The following C3orf85 variants were observed in gnomAD, a reference collection of about 807,000 sequenced individuals.
C3orf85 encodes uncharacterized protein C3orf85.
A neutral mutation model predicts 1.7 loss-of-function variants in C3orf85; 1 was observed. The ratio of observed to expected loss-of-function variants is 0.60; its 90% CI spans 0.21 to 2.86. C3orf85 has a LOEUF of 2.86. Ranked by LOEUF, C3orf85 falls within the 30% of genes most tolerant of loss-of-function variation. The probability of loss-of-function intolerance (pLI) is 0.22; values close to 1 mark genes in which losing one functional copy is unlikely to be tolerated. For missense variants in C3orf85, 29 were observed against 21.3 expected (o/e 1.36, Z -0.72); for synonymous variants, 17 against 8.0 (o/e 2.13, Z -1.90).
chr3:109,142,752 C>T (rs1367031765), intron 2 of C3orf85, among the ~76,000 whole-genome samples: 4 of 150,804 alleles, frequency 2.7e-5, no homozygotes, highest in Non-Finnish European at 5.9e-5. Flanking sequence ...GAGCAACAGA[C>T]TATTGGGTTC....
At chr3:109,140,428 G>C (rs973450844) in intron 2 of C3orf85, among the ~76,000 whole-genome samples, 3 of 152,166 alleles carry the variant, frequency 2.0e-5, no homozygotes, top group African/African-American at 7.2e-5. Flanking sequence ...CGCTGCAAAC[G>C]GCCTGAGCTT....
chr3:109,141,840 G>T (rs1706746096), intron 2 of C3orf85, among the ~76,000 whole-genome samples: 1 of 152,068 alleles, frequency 6.6e-6, no homozygotes, highest in African/African-American at 2.4e-5. Flanking sequence ...GACCAGCCTG[G>T]CCAGAATGGC....
chr3:109,137,653 A>G (rs929725756), intron 2 of C3orf85, among the ~76,000 whole-genome samples: 16 of 142,836 alleles, frequency 1.1e-4, no homozygotes, highest in Admixed American at 5.0e-4. Flanking sequence ...ATATATATAT[A>G]TATATATATA....
chr3:109,149,887 C>A lies in C3orf85; in HGVS notation c.266C>A (p.Ala89Asp), dbSNP rs1380974586. ...MNTFTFDMST[A>D]Q ...ACCTTCACCTTTGACATGTCTACTG[C>A]CCAGTAAATATGTTTTCCTGGTTAA... is the stretch of plus-strand genomic sequence containing the variant. The change falls in exon 4 of 4, where the codon GCC becomes GAC. Residue 89 changes from alanine to aspartate, a missense_variant. Ala to Asp is a moderately radical substitution (Grantham distance 126, BLOSUM62 -2). Transcript: ENST00000622536. The A allele has an allele frequency of 2.5e-6, 1 of 398,228 alleles. No individual in the cohort carries two copies. The highest frequency in any genetic ancestry group is 4.4e-6 in the Non-Finnish European group (1 of 225,586). 24.7% of individuals were successfully genotyped at this position (398,228 alleles called of 1,614,324 possible). A position where few individuals can be genotyped will look rare whatever the true frequency, so the allele number is the denominator to read the frequency against.
chr3:109,147,317 A>T (rs1453326449), intron 2 of C3orf85, among the ~76,000 whole-genome samples: 1 of 152,230 alleles, frequency 6.6e-6, no homozygotes, highest in Admixed American at 6.5e-5. Flanking sequence ...GGGAATTTTT[A>T]TACCGTATAG....
At chr3:109,144,655 A>C (rs1229556951) in intron 2 of C3orf85, among the ~76,000 whole-genome samples, 1 of 152,234 alleles carries the variant, frequency 6.6e-6, no homozygotes, top group Non-Finnish European at 1.5e-5. Flanking sequence ...GATTTATGCA[A>C]TAGCATTTTT....
intron 2 of C3orf85, among the ~76,000 whole-genome samples, chr3:109,147,474 A>G (rs1706812926): frequency 2.0e-5 from 3 of 152,202 alleles, no homozygotes; most frequent in South Asian, 4.1e-4. Context: ...GTTGTCACAT[A>G]TAGGTCAGGA....
At chr3:109,146,610 A>C (rs1183817847) in intron 2 of C3orf85, among the ~76,000 whole-genome samples, 2 of 152,162 alleles carry the variant, frequency 1.3e-5, no homozygotes, top group Non-Finnish European at 2.9e-5. Context: ...AGTGGGAGGC[A>C]TCATTTCCTT....
intron 2 of C3orf85, among the ~76,000 whole-genome samples, chr3:109,138,560 T>A (rs1017004127): frequency 6.6e-6 from 1 of 152,218 alleles, no homozygotes; most frequent in Non-Finnish European, 1.5e-5. Flanking sequence ...TATTTTTTTT[T>A]AAAGTTTATT....
chr3:109,142,732 G>C (rs1208949151), intron 2 of C3orf85, among the ~76,000 whole-genome samples: 1 of 149,224 alleles, frequency 6.7e-6, no homozygotes. Context: ...TCCTTTTTTA[G>C]TGAGGCTTTG....
intron 2 of C3orf85, among the ~76,000 whole-genome samples, chr3:109,140,662 T>G (rs968734626): frequency 6.6e-6 from 1 of 152,234 alleles, no homozygotes; most frequent in East Asian, 1.9e-4. Flanking sequence ...AGAGTCACTA[T>G]TGAATCAAAT....
intron 2 of C3orf85, among the ~76,000 whole-genome samples, chr3:109,141,985 T>C (rs558543096): frequency 6.6e-6 from 1 of 152,210 alleles, no homozygotes; most frequent in East Asian, 1.9e-4. Context: ...GCCAAGATCG[T>C]GCCACTGCAC....
chr3:109,140,579 C>T (rs1487355262), intron 2 of C3orf85, among the ~76,000 whole-genome samples: 1 of 152,184 alleles, frequency 6.6e-6, no homozygotes, highest in Admixed American at 6.5e-5. Flanking sequence ...TGTTTTCCTA[C>T]ACATATGGCA....
intron 2 of C3orf85, among the ~76,000 whole-genome samples, chr3:109,146,727 G>A (rs1241353124): frequency 1.3e-5 from 2 of 152,164 alleles, no homozygotes; most frequent in African/African-American, 4.8e-5. Flanking sequence ...AAGCTGTAAT[G>A]TCTTTTATAT....
rs1439883855 is a variant in C3orf85 at position 109,137,635 on chromosome 3, GTGTATA to G, written c.49+741_49+746del. ...GATGTATATATGTGTGTGTGTGTGT[GTGTATA>G]TATATATATATATATATATATATAT... On this transcript the variant is annotated intron_variant, in intron 2 of 3. Transcript: ENST00000622536. Among the ~76,000 whole-genome samples, 205 of 48,794 alleles carry G rather than the reference GTGTATA, an allele frequency of 4.2e-3. 1 individual carries two copies. The highest frequency in any genetic ancestry group is 8.2e-3 in the African/African-American group (198 of 24,050). The allele number at this position is 48,794 out of a possible 152,430, so 32.0% of individuals were successfully genotyped here.
chr3:109,138,318 A>G (rs992699105), intron 2 of C3orf85, among the ~76,000 whole-genome samples: 13 of 152,222 alleles, frequency 8.5e-5, no homozygotes, highest in African/African-American at 2.9e-4. Context: ...TTCAGATCTC[A>G]GGAAAGAAGG....
chr3:109,137,668 T>TATATAA (rs1359245592), intron 2 of C3orf85, among the ~76,000 whole-genome samples: 51 of 142,042 alleles, frequency 3.6e-4, no homozygotes, highest in South Asian at 1.7e-3. Flanking sequence ...TATATATATA[T>TATATAA]AAAATAAGCC....
chr3:109,148,391 T>C lies in C3orf85; in HGVS notation c.183+5T>C. On this transcript the variant is annotated splice_donor_5th_base_variant and intron_variant, in intron 3 of 3. Transcript: ENST00000622536. ...GTAAACACACTGGCTAAGCAGGTAT[T>C]TGTATTAGAAACAAATGGTCCTTCA... 1 of 702,484 alleles carries C rather than the reference T, an allele frequency of 1.4e-6. No individual in the cohort carries two copies. The highest frequency in any genetic ancestry group is 2.6e-6 in the Non-Finnish European group (1 of 384,652). The allele number at this position is 702,484 out of a possible 1,614,324, so 43.5% of individuals were successfully genotyped here.
intron 3 of C3orf85, 90 bp downstream of exon 3, chr3:109,148,476 C>T: frequency 4.3e-6 from 3 of 693,416 alleles, no homozygotes; most frequent in Non-Finnish European, 5.3e-6. Flanking sequence ...CATGACTAGC[C>T]TAGCCCTGAT....
Sources: allele counts gnomAD v4.1 joint callset (sites outside exome capture counted in the v4.1 genomes callset), GRCh38; gene constraint gnomAD v4.1.1; transcripts MANE v1.5; gene names NCBI Gene and HGNC (gene_info 2026-07-23, HGNC 2026-07-21).